Variants in RPGR observed in about 807,000 individuals in gnomAD.
The protein encoded by RPGR is retinitis pigmentosa GTPase regulator.
Under a neutral mutation model 56.3 loss-of-function variants are expected in RPGR, and 10 were observed. The ratio of observed to expected loss-of-function variants is 0.18; its 90% CI spans 0.11 to 0.30. RPGR has a LOEUF of 0.30. RPGR is among the 10% of genes least tolerant of loss of function. RPGR has a pLI of 1.00. For synonymous variants in RPGR, 197 were observed against 212.9 expected, an observed-to-expected ratio of 0.93 and a Z score of 0.65; for missense variants, 538 against 590.9, an observed-to-expected ratio of 0.91 and a Z score of 0.93.
intron 3 of RPGR, among the ~76,000 whole-genome samples, chrX:38,322,602 A>G (rs892782576): frequency 1.8e-5 from 2 of 112,334 alleles, no homozygotes; most frequent in African/African-American, 6.5e-5. Flanking sequence ...GATGGGGGAT[A>G]TTCAAATGCA....
chrX:38,323,092 C>G, intron 2 of RPGR, 147 bp from the exon 3 acceptor site: 3 of 514,136 alleles, frequency 5.8e-6, no homozygotes, highest in Non-Finnish European at 1.0e-5. Flanking sequence ...CTATGTATAA[C>G]CAGTTTCTAT....
chrX:38,278,932 A>G lies in RPGR; in HGVS notation c.1906-2160T>C, dbSNP rs1217573545. The stretch of plus-strand genomic sequence containing the variant: ...TTATAAAAAGACACGTGGGAGTTTT[A>G]CCTTATTTTAGAAATAAGTAAAACA... On this transcript the variant is annotated intron_variant, in intron 15 of 18. Coordinates refer to ENST00000642395, the MANE Select transcript of RPGR (RefSeq NM_000328.3). 2.7e-5 allele frequency among the ~76,000 whole-genome samples: 3 copies of G among 112,464 alleles called. No individual in the cohort carries two copies. The Admixed American group carries it at 2.8e-4, about 11-fold the overall frequency.
chrX:38,278,654 T>C (rs2066978389), intron 15 of RPGR, among the ~76,000 whole-genome samples: 1 of 112,746 alleles, frequency 8.9e-6, no homozygotes, highest in African/African-American at 3.2e-5. Context: ...GGAAGATTAC[T>C]AGATTTAAGA....
At chrX:38,279,368 C>T in intron 15 of RPGR, among the ~76,000 whole-genome samples, 1 of 111,856 alleles carries the variant, frequency 8.9e-6, no homozygotes, top group East Asian at 2.8e-4. Flanking sequence ...ACAAAAGGAC[C>T]CTTTGTTTCA....
intron 15 of RPGR, chrX:38,285,670 T>C: frequency 4.1e-6 from 5 of 1,211,649 alleles, no homozygotes; most frequent in Non-Finnish European, 5.6e-6. Flanking sequence ...TCCCTGTGTG[T>C]TAGTAACTGA....
chrX:38,269,534 GACT>G lies in RPGR; in HGVS notation c.*89_*91del, dbSNP rs1435464741. The G allele has an allele frequency of 5.3e-5, 33 of 620,938 alleles. No individual in the cohort carries two copies. The highest frequency in any genetic ancestry group is 4.8e-4 in the South Asian group (18 of 37,606). 51.2% of individuals were successfully genotyped at this position (620,938 alleles called of 1,213,427 possible). A position where few individuals can be genotyped will look rare whatever the true frequency, so the allele number is the denominator to read the frequency against. The stretch of plus-strand genomic sequence containing the variant: ...CATATTAAGTCTTATATCTTTTAAA[GACT>G]ACTATCAGAAACTTTACTTCATAAG... On this transcript the variant is annotated 3_prime_UTR_variant, in exon 19 of 19. Transcript: ENST00000642395.
intron 15 of RPGR, among the ~76,000 whole-genome samples, chrX:38,281,918 T>C (rs191067549): frequency 1.1e-4 from 12 of 110,237 alleles, no homozygotes; most frequent in African/African-American, 2.7e-4. Flanking sequence ...ATGTTTTTTT[T>C]CTCCGCCTCA....
Position 38,319,792 on chromosome X carries a change from T to C in RPGR, c.311-805A>G, listed in dbSNP as rs147108151. Among the ~76,000 whole-genome samples the C allele has an allele frequency of 6.4e-3, 718 of 112,453 alleles. 6 individuals are homozygous for C. Among genetic ancestry groups the C allele is most frequent in the Middle Eastern group, 0.041 (9 of 218 alleles). On this transcript the variant is annotated intron_variant, in intron 4 of 18. Transcript: ENST00000642395. Reference sequence around the variant, plus strand: ...ATGCCTAGATTATAAACATTTCCAGTAAGTTGTAAATTAATGAAGATTTGT... The same window carrying C: ...ATGCCTAGATTATAAACATTTCCAGCAAGTTGTAAATTAATGAAGATTTGT...
At chrX:38,284,706 G>A (rs2067096961) in intron 15 of RPGR, 1 of 713,333 alleles carries the variant, frequency 1.4e-6, no homozygotes, top group African/African-American at 2.3e-5. Flanking sequence ...TAACAATAAT[G>A]ATAGAGTGAA....
rs769446347 is a variant in RPGR at position 38,286,799 on chromosome X, C to T, written c.1905+295G>A. 6 of 1,158,053 alleles carry T rather than the reference C, an allele frequency of 5.2e-6. No individual in the cohort carries two copies. The East Asian group carries it at 1.3e-4, about 25-fold the overall frequency. ...TCCTCTTCTTCTCCTTCTCCATGCT[C>T]CTCCTCCCCTCCCTCCTCCATCTCT... On this transcript the variant is annotated intron_variant, in intron 15 of 18. Transcript: ENST00000642395.
At chrX:38,323,644 G>A (rs2147292320) in intron 1 of RPGR, 120 bp from the exon 2 acceptor site, 1 of 765,709 alleles carries the variant, frequency 1.3e-6, no homozygotes, top group East Asian at 3.5e-5. Flanking sequence ...CCCCCACTCT[G>A]GCAATGTTTA....
intron 18 of RPGR, chrX:38,273,250 C>T: frequency 2.1e-6 from 1 of 473,579 alleles, no homozygotes; most frequent in South Asian, 3.1e-5. Flanking sequence ...AAATATGCGA[C>T]ATCACCTGAA....
intron 6 of RPGR, among the ~76,000 whole-genome samples, chrX:38,315,746 A>C (rs72619451): frequency 0.17 from 17,774 of 106,968 alleles, 1,417 homozygotes; most frequent in East Asian, 0.57. Context: ...GGGGATGGAT[A>C]CCCCATTCTC....
chrX:38,298,892 T>C, intron 10 of RPGR, 64 bp downstream of exon 10: 3 of 1,119,167 alleles, frequency 2.7e-6, no homozygotes, highest in Non-Finnish European at 3.7e-6. Flanking sequence ...AAACAGATTT[T>C]TTTCTTCTAG....
intron 8 of RPGR, among the ~76,000 whole-genome samples, chrX:38,302,245 G>C (rs1349746723): frequency 9.0e-6 from 1 of 111,394 alleles, no homozygotes; most frequent in Non-Finnish European, 1.9e-5. Context: ...CAGAAGTAAG[G>C]GGTGTTAATA....
chrX:38,283,729 T>C (rs1205113349), intron 15 of RPGR, among the ~76,000 whole-genome samples: 1 of 112,174 alleles, frequency 8.9e-6, no homozygotes, highest in Admixed American at 9.5e-5. Context: ...ACGTTGTTTC[T>C]GTATTACTGG....
intron 7 of RPGR, among the ~76,000 whole-genome samples, chrX:38,306,984 T>A (rs2067615248): frequency 8.8e-6 from 1 of 113,151 alleles, no homozygotes; most frequent in Non-Finnish European, 1.9e-5. Context: ...TAAATAATAT[T>A]ACATTAGGAA....
intron 15 of RPGR, among the ~76,000 whole-genome samples, chrX:38,282,065 T>A (rs1451589276): frequency 9.0e-6 from 1 of 111,657 alleles, no homozygotes; most frequent in Non-Finnish European, 1.9e-5. Flanking sequence ...GGAGTACACA[T>A]CTCCCTTCCT....
At chrX:38,281,872 C>G (rs1204281234) in intron 15 of RPGR, among the ~76,000 whole-genome samples, 1 of 110,659 alleles carries the variant, frequency 9.0e-6, no homozygotes, top group African/African-American at 3.3e-5. Context: ...CAAACCTGCT[C>G]ATTTAATTTG....
Sources: gnomAD v4.1 joint callset for allele counts (sites outside exome capture counted in the v4.1 genomes callset) on GRCh38, gnomAD v4.1.1 for gene constraint, MANE v1.5 for transcripts, NCBI Gene and HGNC (gene_info 2026-07-23, HGNC 2026-07-21) for gene names.